The following FARSB variants were observed in gnomAD, a reference collection of about 807,000 sequenced individuals.
FARSB encodes the protein phenylalanine--tRNA ligase beta subunit.
FARSB carries 40 observed loss-of-function variants against 69.6 expected under a neutral mutation model. The ratio of observed to expected loss-of-function variants is 0.57; its 90% confidence interval spans 0.45 to 0.75. The LOEUF (loss-of-function observed/expected upper bound fraction) is 0.75, where lower values mean the gene tolerates loss of function less well. FARSB is among the 30% of genes least tolerant of loss of function. The pLI is 0.00. For synonymous variants in FARSB, 235 were observed against 247.2 expected (o/e 0.95, Z 0.46); for missense variants, 632 against 722.9 (o/e 0.87, Z 1.44).
At chr2:222,653,989 A>AT (rs1320701485) in intron 1 of FARSB, among the ~76,000 whole-genome samples, 1 of 152,180 alleles carries the variant, frequency 6.6e-6, no homozygotes, top group Non-Finnish European at 1.5e-5. Flanking sequence ...CACTGACAAT[A>AT]TGAAAAAAAA....
At chr2:222,625,396 A>G (rs1691243400) in intron 10 of FARSB, among the ~76,000 whole-genome samples, 1 of 152,204 alleles carries the variant, frequency 6.6e-6, no homozygotes, top group African/African-American at 2.4e-5. Flanking sequence ...TTCACTCTCA[A>G]AAGTATAACA....
intron 13 of FARSB, among the ~76,000 whole-genome samples, chr2:222,621,792 A>G (rs985530036): frequency 6.6e-6 from 1 of 152,240 alleles, no homozygotes; most frequent in African/African-American, 2.4e-5. Context: ...GCAAAACTGG[A>G]TTTAACAACA....
chr2:222,611,320 T>C (rs1378172375), intron 15 of FARSB, among the ~76,000 whole-genome samples: 1 of 152,130 alleles, frequency 6.6e-6, no homozygotes, highest in African/African-American at 2.4e-5. Context: ...GAAATAGAAC[T>C]ATCCTTCCCA....
chr2:222,583,828 C>T (rs1325890017), intron 16 of FARSB, among the ~76,000 whole-genome samples: 2 of 152,098 alleles, frequency 1.3e-5, no homozygotes, highest in Non-Finnish European at 2.9e-5. Context: ...TTTTAAGAGG[C>T]ATTTCCCCCT....
intron 16 of FARSB, among the ~76,000 whole-genome samples, chr2:222,574,678 G>A (rs144892003): frequency 5.3e-4 from 81 of 152,254 alleles, no homozygotes; most frequent in African/African-American, 1.9e-3. Flanking sequence ...GTATAAACTC[G>A]ACTTTGCTGA....
At chr2:222,640,613 G>A (rs113982021) in intron 4 of FARSB, among the ~76,000 whole-genome samples, 1 of 149,582 alleles carries the variant, frequency 6.7e-6, no homozygotes. Context: ...AAAACTAGCC[G>A]GGTGTGGTGG....
intron 7 of FARSB, among the ~76,000 whole-genome samples, chr2:222,632,070 G>A (rs1008650961): frequency 2.7e-5 from 4 of 150,240 alleles, no homozygotes; most frequent in Admixed American, 6.6e-5. Flanking sequence ...ATGGTGCAAT[G>A]GCACGAGAGT....
chr2:222,643,749 T>C (rs1691778937), intron 2 of FARSB, among the ~76,000 whole-genome samples: 1 of 152,150 alleles, frequency 6.6e-6, no homozygotes, highest in Non-Finnish European at 1.5e-5. Context: ...AAAGGGATAG[T>C]GCAGCAGAAT....
At chr2:222,653,914 C>A (rs1291313747) in intron 1 of FARSB, among the ~76,000 whole-genome samples, 1 of 151,932 alleles carries the variant, frequency 6.6e-6, no homozygotes, top group Non-Finnish European at 1.5e-5. Context: ...CAGCCATGTA[C>A]CTGGACCTTA....
At position 222,569,905 on chromosome 2, in the gene FARSB, G is replaced by A. The variant is rs571655899; in HGVS notation, c.*1966C>T. Among the ~76,000 whole-genome samples the A allele has an allele frequency of 6.6e-6, 1 of 152,264 alleles. No homozygotes were observed. Among genetic ancestry groups the A allele is most frequent in the Admixed American group, 6.5e-5 (1 of 15,294 alleles). ...TGCATAAAAATCTTTGGCCATATGG[G>A]TAAACCTAGGAATAGAATGGCTAGA... On this transcript the variant is annotated 3_prime_UTR_variant, in exon 17 of 17. Coordinates refer to ENST00000281828, the MANE Select transcript of FARSB (RefSeq NM_005687.5).
intron 14 of FARSB, among the ~76,000 whole-genome samples, chr2:222,615,491 T>C (rs1053124260): frequency 3.9e-5 from 6 of 152,222 alleles, no homozygotes; most frequent in Non-Finnish European, 4.4e-5. Context: ...CCTCAACCCC[T>C]GCTGCTTCCG....
At chr2:222,622,445 TGTTATG>T (rs1691162570) in intron 13 of FARSB, among the ~76,000 whole-genome samples, 1 of 152,200 alleles carries the variant, frequency 6.6e-6, no homozygotes, top group Admixed American at 6.5e-5. Context: ...GGAAAAGAAC[TGTTATG>T]GTTTAATCTA....
Position 222,571,731 on chromosome 2 carries a change from T to C in FARSB, c.*140A>G. On this transcript the variant is annotated 3_prime_UTR_variant, in exon 17 of 17. Transcript: ENST00000281828. ...TAATATGCAGGGAAAGGATGGTCTC[T>C]ACCCACACAGCCAGACAGTGCTTTC... 1 of 706,158 alleles carries C rather than the reference T, an allele frequency of 1.4e-6. No individual in the cohort carries two copies. Among genetic ancestry groups the C allele is most frequent in the Admixed American group, 3.1e-5 (1 of 31,966 alleles). 43.7% of individuals were successfully genotyped at this position (706,158 alleles called of 1,614,324 possible).
At chr2:222,598,084 TC>T (rs1429307115) in intron 16 of FARSB, among the ~76,000 whole-genome samples, 3 of 152,206 alleles carry the variant, frequency 2.0e-5, no homozygotes, top group Non-Finnish European at 4.4e-5. Context: ...CACCTATTCT[TC>T]CAAAGGCCCA....
intron 15 of FARSB, among the ~76,000 whole-genome samples, chr2:222,604,013 G>A (rs553424660): frequency 5.9e-5 from 9 of 151,884 alleles, no homozygotes; most frequent in East Asian, 3.9e-4. Context: ...TCAGGAGATC[G>A]AGACCATCCT....
Position 222,600,025 on chromosome 2 carries a change from C to A in FARSB, c.1521G>T (p.Gly507=). ...CCAGCAGCCCATGAATGATCTCAAACCCAGGATTCTTGTTGTAATAAACAG... is the reference window on the plus strand; with the variant it reads ...CCAGCAGCCCATGAATGATCTCAAAACCAGGATTCTTGTTGTAATAAACAG... ...LCAVYYNKNP[G]FEIIHGLLDR... Residue 507 remains glycine, a synonymous_variant, in exon 16 of 17, where the codon GGG becomes GGT. Coordinates refer to ENST00000281828, the MANE Select transcript of FARSB (RefSeq NM_005687.5). The A allele has an allele frequency of 6.2e-7, 1 of 1,611,340 alleles. No individual in the cohort carries two copies. Among genetic ancestry groups the A allele is most frequent in the Non-Finnish European group, 8.5e-7 (1 of 1,179,326 alleles).
intron 16 of FARSB, among the ~76,000 whole-genome samples, chr2:222,588,727 G>A (rs1292599950): frequency 6.6e-6 from 1 of 152,102 alleles, no homozygotes; most frequent in Non-Finnish European, 1.5e-5. Flanking sequence ...CAGACAAACG[G>A]AGAGCCAGAT....
At chr2:222,652,370 C>T (rs753434097) in intron 1 of FARSB, among the ~76,000 whole-genome samples, 2 of 152,128 alleles carry the variant, frequency 1.3e-5, no homozygotes, top group Non-Finnish European at 2.9e-5. Flanking sequence ...CCAATAATAC[C>T]GGCCTCCTGG....
chr2:222,589,146 T>C (rs967044658), intron 16 of FARSB, among the ~76,000 whole-genome samples: 2 of 152,192 alleles, frequency 1.3e-5, no homozygotes, highest in African/African-American at 2.4e-5. Flanking sequence ...AACAGCATGG[T>C]ACTGTTACCA....
Sources: gnomAD v4.1 joint callset for allele counts (sites outside exome capture counted in the v4.1 genomes callset) on GRCh38, gnomAD v4.1.1 for gene constraint, MANE v1.5 for transcripts, NCBI Gene and HGNC (gene_info 2026-07-23, HGNC 2026-07-21) for gene names.